LRRC4C: variants seen among roughly 807,000 people sequenced by gnomAD.
The protein encoded by LRRC4C is leucine rich repeat containing 4C.
A neutral mutation model predicts 33.6 loss-of-function variants in LRRC4C; 5 were observed. The observed-to-expected ratio is 0.15, with a 90% CI of 0.08 to 0.31. LRRC4C has a LOEUF of 0.31. Ranked by LOEUF, LRRC4C falls within the 10% of genes least tolerant of loss-of-function variation. The probability of loss-of-function intolerance (pLI) is 1.00; values close to 1 mark genes in which losing one functional copy is unlikely to be tolerated. For synonymous variants in LRRC4C, 329 were observed against 302.0 expected (o/e 1.09, Z -0.93); for missense variants, 560 against 796.7 (o/e 0.70, Z 3.58).
chr11:40,886,829 C>A (rs1955482255), intron 2 of LRRC4C, among the ~76,000 whole-genome samples: 1 of 151,462 alleles, frequency 6.6e-6, no homozygotes, highest in Middle Eastern at 3.4e-3. Context: ...CTCCACTGAC[C>A]CTCCCCTTCA....
At chr11:40,563,127 T>G (rs1267274366) in intron 3 of LRRC4C, among the ~76,000 whole-genome samples, 1 of 151,700 alleles carries the variant, frequency 6.6e-6, no homozygotes, top group Non-Finnish European at 1.5e-5. Flanking sequence ...ACTCAAAGAG[T>G]GGTTTGAGAA....
At chr11:41,236,119 G>C (rs1948011085) in intron 1 of LRRC4C, among the ~76,000 whole-genome samples, 1 of 152,048 alleles carries the variant, frequency 6.6e-6, no homozygotes. Context: ...ATGTGATTTT[G>C]ACCACCTACC....
chr11:40,942,748 A>G (rs1958213780), intron 1 of LRRC4C, among the ~76,000 whole-genome samples: 1 of 152,182 alleles, frequency 6.6e-6, no homozygotes, highest in South Asian at 2.1e-4. Flanking sequence ...TTCCTGAAGT[A>G]TACAAGCTAT....
chr11:40,570,123 C>T (rs1171879158), intron 3 of LRRC4C, among the ~76,000 whole-genome samples: 1 of 151,854 alleles, frequency 6.6e-6, no homozygotes, highest in Non-Finnish European at 1.5e-5. Context: ...AATCTATTCA[C>T]ATAATTTATA....
intron 3 of LRRC4C, among the ~76,000 whole-genome samples, chr11:40,646,707 CG>C (rs1377100397): frequency 3.3e-5 from 5 of 152,176 alleles, no homozygotes; most frequent in African/African-American, 1.2e-4. Context: ...TCCGGGTTCA[CG>C]CCATTCTCCT....
chr11:40,997,792 A>G (rs1156821234), intron 1 of LRRC4C, among the ~76,000 whole-genome samples: 1 of 152,112 alleles, frequency 6.6e-6, no homozygotes, highest in Non-Finnish European at 1.5e-5. Flanking sequence ...ACCAATGGTT[A>G]TAAAGATTTA....
intron 2 of LRRC4C, among the ~76,000 whole-genome samples, chr11:40,785,440 C>T (rs1340445081): frequency 6.6e-6 from 1 of 152,138 alleles, no homozygotes; most frequent in Non-Finnish European, 1.5e-5. Context: ...ATTAGAGGCA[C>T]TTTTTTGATA....
chr11:41,407,259 A>G (rs1375018017), intron 1 of LRRC4C, among the ~76,000 whole-genome samples: 1 of 151,804 alleles, frequency 6.6e-6, no homozygotes, highest in Admixed American at 6.6e-5. Context: ...TGGTAGAGTC[A>G]GGATTTAAAT....
chr11:40,114,893 T>C lies in LRRC4C; in HGVS notation c.1400A>G (p.Asp467Gly). Residue 467 changes from aspartate (D) to glycine (G), a missense_variant, in exon 7 of 7, where the codon GAT becomes GGT. Physicochemically the swap from Asp to Gly is moderately conservative, Grantham distance 94. Coordinates refer to ENST00000528697, the MANE Select transcript of LRRC4C (RefSeq NM_001258419.2). Reference sequence around the variant, plus strand: ...ATTGTTATCTGTGGTCCGTGCCTCATCCTGAGACGGTTCCATAGTCTCTAC... The same window carrying C: ...ATTGTTATCTGTGGTCCGTGCCTCACCCTGAGACGGTTCCATAGTCTCTAC... ...VTVETMEPSQ[D>G]EARTTDNNVG... 1.2e-6 allele frequency: 2 copies of C among 1,614,176 alleles called. No homozygotes were observed. Among genetic ancestry groups the C allele is most frequent in the Non-Finnish European group, 1.7e-6 (2 of 1,180,028 alleles).
intron 2 of LRRC4C, among the ~76,000 whole-genome samples, chr11:40,838,797 C>T (rs1027666024): frequency 6.6e-6 from 1 of 151,618 alleles, no homozygotes; most frequent in Non-Finnish European, 1.5e-5. Flanking sequence ...GAATATAATG[C>T]CAGTAAAAAC....
Position 41,034,431 on chromosome 11 carries a change from C to T in LRRC4C, c.-495-100708G>A, listed in dbSNP as rs566514381. On this transcript the variant is annotated intron_variant, in intron 1 of 6. Coordinates refer to ENST00000528697, the MANE Select transcript of LRRC4C (RefSeq NM_001258419.2). ...CAGACTAAGACACATATGAACAATC[C>T]AAACACACACACACACACACACACA... is the stretch of plus-strand genomic sequence containing the variant. Among the ~76,000 whole-genome samples, 368 of 63,028 alleles carry T rather than the reference C, an allele frequency of 5.8e-3. 8 individuals carry two copies. The South Asian group carries it at 0.093, about 16-fold the overall frequency. 41.3% of individuals were successfully genotyped at this position (63,028 alleles called of 152,430 possible). A position where few individuals can be genotyped will look rare whatever the true frequency, so the allele number is the denominator to read the frequency against.
At chr11:40,412,230 G>C (rs931257360) in intron 3 of LRRC4C, among the ~76,000 whole-genome samples, 3 of 151,942 alleles carry the variant, frequency 2.0e-5, no homozygotes, top group Non-Finnish European at 4.4e-5. Flanking sequence ...AACAACAATG[G>C]TACATAATAA....
chr11:40,288,483 T>C (rs2136534428), intron 4 of LRRC4C, among the ~76,000 whole-genome samples: 1 of 152,264 alleles, frequency 6.6e-6, no homozygotes, highest in Admixed American at 6.5e-5. Flanking sequence ...ATTACTACAG[T>C]AGAACTCCTT....
intron 1 of LRRC4C, among the ~76,000 whole-genome samples, chr11:41,290,064 G>A (rs942433170): frequency 2.4e-4 from 37 of 152,134 alleles, no homozygotes; most frequent in Non-Finnish European, 4.4e-5. Context: ...GGTGATATAT[G>A]TGTTTTCCAC....
chr11:40,443,353 C>G (rs993961335), intron 3 of LRRC4C, among the ~76,000 whole-genome samples: 1 of 152,146 alleles, frequency 6.6e-6, no homozygotes, highest in African/African-American at 2.4e-5. Flanking sequence ...AAATATAGAC[C>G]TTAAGTAAAT....
intron 3 of LRRC4C, among the ~76,000 whole-genome samples, chr11:40,456,512 G>A (rs551315822): frequency 6.6e-6 from 1 of 151,960 alleles, no homozygotes; most frequent in South Asian, 2.1e-4. Context: ...AGAAAATATG[G>A]AAGAACTCAA....
At chr11:40,997,713 G>A (rs555726868) in intron 1 of LRRC4C, among the ~76,000 whole-genome samples, 1 of 152,220 alleles carries the variant, frequency 6.6e-6, no homozygotes, top group African/African-American at 2.4e-5. Context: ...AAGGAATGAT[G>A]TGTAGGTCTG....
At chr11:41,162,945 G>A (rs1048655201) in intron 1 of LRRC4C, among the ~76,000 whole-genome samples, 5 of 152,128 alleles carry the variant, frequency 3.3e-5, no homozygotes, top group African/African-American at 1.2e-4. Context: ...ATCTCATCTG[G>A]AATTGTACTT....
At chr11:40,669,632 C>T (rs939523786) in intron 2 of LRRC4C, among the ~76,000 whole-genome samples, 13 of 152,180 alleles carry the variant, frequency 8.5e-5, no homozygotes, top group Non-Finnish European at 1.6e-4. Context: ...AAACAAGACC[C>T]TCCGTTGTGT....
Sources: gnomAD v4.1 joint callset for allele counts (sites outside exome capture counted in the v4.1 genomes callset) on GRCh38, gnomAD v4.1.1 for gene constraint, MANE v1.5 for transcripts, NCBI Gene and HGNC (gene_info 2026-07-23, HGNC 2026-07-21) for gene names.